The following KIF26B variants were observed in gnomAD, a reference collection of about 807,000 sequenced individuals.
KIF26B encodes kinesin family member 26B.
KIF26B carries 63 observed loss-of-function variants against 151.2 expected under a neutral mutation model. That is an observed-to-expected ratio of 0.42 (90% CI 0.34 to 0.51). The LOEUF is 0.51. Among genes scored for constraint, KIF26B ranks in the 20% least tolerant of loss-of-function variants. The probability of loss-of-function intolerance (pLI) is 0.07; values close to 1 mark genes in which losing one functional copy is unlikely to be tolerated. For synonymous variants in KIF26B, 1,357 were observed against 1,262.1 expected (o/e 1.08, Z -1.59); for missense variants, 2,813 against 2,913.6 (o/e 0.97, Z 0.79).
intron 14 of KIF26B, among the ~76,000 whole-genome samples, chr1:245,701,726 A>AGGTGGAGGTCCCAGAGCTCGTCTCTTC (rs2044774973): frequency 6.6e-6 from 1 of 152,190 alleles, no homozygotes; most frequent in African/African-American, 2.4e-5. Context: ...CTGTCAGCAG[A>AGGTGGAGGTCCCAGAGCTCGTCTCTTC]GGTGGAGGTC....
At chr1:245,338,316 A>G (rs185276092) in intron 2 of KIF26B, among the ~76,000 whole-genome samples, 20 of 152,328 alleles carry the variant, frequency 1.3e-4, no homozygotes, top group Admixed American at 1.1e-3. Context: ...TTTTGTAAAT[A>G]AAGTTTTATT....
At chr1:245,257,542 C>A (rs192474600) in intron 2 of KIF26B, among the ~76,000 whole-genome samples, 1 of 152,270 alleles carries the variant, frequency 6.6e-6, no homozygotes, top group East Asian at 1.9e-4. Context: ...TCTCCATGGT[C>A]CTTGAATTTT....
chr1:245,522,112 G>A lies in KIF26B; in HGVS notation c.1167-18655G>A, dbSNP rs532103824. On this transcript the variant is annotated intron_variant, in intron 4 of 14. Transcript: ENST00000407071. ...TCTCGATCTCCTGACCTCATGATCTGCCCGCCTTGGCCTCCCAAAGTGCTG... is the reference window on the plus strand; with the variant it reads ...TCTCGATCTCCTGACCTCATGATCTACCCGCCTTGGCCTCCCAAAGTGCTG... 4.4e-4 allele frequency among the ~76,000 whole-genome samples: 67 copies of A among 152,152 alleles called. 1 individual carries two copies. The highest frequency in any genetic ancestry group is 1.9e-3 in the East Asian group (10 of 5,158).
At chr1:245,212,366 G>A (rs761230717) in intron 2 of KIF26B, among the ~76,000 whole-genome samples, 3 of 152,242 alleles carry the variant, frequency 2.0e-5, no homozygotes, top group South Asian at 2.1e-4. Context: ...CCTGCCGCCC[G>A]TGCCACCTGT....
intron 2 of KIF26B, among the ~76,000 whole-genome samples, chr1:245,212,720 C>A (rs1263908657): frequency 6.6e-6 from 1 of 152,192 alleles, no homozygotes; most frequent in African/African-American, 2.4e-5. Context: ...CCCTGAGAGG[C>A]GGCACCGTCG....
At chr1:245,231,031 C>A (rs1257563908) in intron 2 of KIF26B, among the ~76,000 whole-genome samples, 1 of 151,724 alleles carries the variant, frequency 6.6e-6, no homozygotes, top group Non-Finnish European at 1.5e-5. Context: ...ACAAGATGTC[C>A]ATTCAGATTC....
intron 2 of KIF26B, among the ~76,000 whole-genome samples, chr1:245,165,271 T>G (rs910089781): frequency 6.6e-6 from 1 of 152,072 alleles, no homozygotes; most frequent in Non-Finnish European, 1.5e-5. Context: ...GGGGAGCTGC[T>G]GAGATACGGG....
At chr1:245,584,637 G>A (rs2043206109) in intron 5 of KIF26B, among the ~76,000 whole-genome samples, 2 of 152,126 alleles carry the variant, frequency 1.3e-5, no homozygotes, top group African/African-American at 4.8e-5. Context: ...TTGTTTATTT[G>A]AGGAAAGAGA....
chr1:245,415,013 G>A (rs576476380), intron 3 of KIF26B, among the ~76,000 whole-genome samples: 7 of 152,206 alleles, frequency 4.6e-5, no homozygotes, highest in South Asian at 4.1e-4. Context: ...ACCAATCATC[G>A]GACTCCTCTC....
At chr1:245,478,663 T>C (rs1309725934) in intron 4 of KIF26B, among the ~76,000 whole-genome samples, 1 of 151,606 alleles carries the variant, frequency 6.6e-6, no homozygotes, top group Admixed American at 6.6e-5. Context: ...GGTCCACCCG[T>C]ATCGGCCTCC....
chr1:245,470,710 G>A (rs942969905), intron 4 of KIF26B, among the ~76,000 whole-genome samples: 9 of 151,818 alleles, frequency 5.9e-5, no homozygotes, highest in Non-Finnish European at 7.4e-5. Context: ...GATTACAGGC[G>A]TGAGCCACCA....
chr1:245,650,076 G>A (rs1030457538), intron 10 of KIF26B, among the ~76,000 whole-genome samples: 6 of 152,232 alleles, frequency 3.9e-5, no homozygotes, highest in African/African-American at 9.6e-5. Context: ...AGTTCTCAAC[G>A]GTGGCACCAT....
chr1:245,159,518 C>T (rs1668500681), intron 2 of KIF26B, among the ~76,000 whole-genome samples: 1 of 152,162 alleles, frequency 6.6e-6, no homozygotes, highest in Admixed American at 6.5e-5. Flanking sequence ...AAAGTGCTTT[C>T]ATTCTTTAGA....
At chr1:245,256,731 G>A (rs1234794573) in intron 2 of KIF26B, among the ~76,000 whole-genome samples, 1 of 152,222 alleles carries the variant, frequency 6.6e-6, no homozygotes, top group Non-Finnish European at 1.5e-5. Context: ...TTCAGGCACA[G>A]CTGACCAGCA....
intron 12 of KIF26B, among the ~76,000 whole-genome samples, chr1:245,690,420 C>A (rs2044609193): frequency 1.3e-5 from 2 of 152,232 alleles, no homozygotes; most frequent in Non-Finnish European, 2.9e-5. Context: ...CCCTTTCCTA[C>A]TGCTCCAGCA....
Position 245,656,101 on chromosome 1 carries a change from C to A in KIF26B, c.2258+9821C>A, listed in dbSNP as rs557389933. On this transcript the variant is annotated intron_variant, in intron 10 of 14. Transcript: ENST00000407071. ...TATTCATTTACTCAAAAATACCCTA[C>A]AATAAATACCAGGAATATAACAGAT... Among the ~76,000 whole-genome samples the A allele has an allele frequency of 3.1e-4, 37 of 121,306 alleles. No homozygotes were observed. The South Asian group carries it at 8.3e-3, about 27-fold the overall frequency. The allele number at this position is 121,306 out of a possible 152,430, so 79.6% of individuals were successfully genotyped here.
At chr1:245,328,122 G>GATAT (rs556483421) in intron 2 of KIF26B, among the ~76,000 whole-genome samples, 2,126 of 146,818 alleles carry the variant, frequency 0.014, 21 homozygotes, top group Non-Finnish European at 0.022. Context: ...CTGCTTTGCT[G>GATAT]GTAGGCTGTG....
intron 9 of KIF26B, among the ~76,000 whole-genome samples, chr1:245,634,309 T>A (rs2043812338): frequency 6.6e-6 from 1 of 152,224 alleles, no homozygotes; most frequent in Admixed American, 6.5e-5. Flanking sequence ...CCAATCTGGA[T>A]ATCGTTCATT....
rs761535050 is a variant in KIF26B, at chr1:245,685,890, G to A, written c.2907G>A (p.Ala969=). 16 of 1,612,778 alleles carry A rather than the reference G, an allele frequency of 9.9e-6. No homozygotes were observed. The highest frequency in any genetic ancestry group is 4.5e-5 in the East Asian group (2 of 44,852). The change falls in exon 12 of 15, where the codon GCG becomes GCA. Residue 969 remains alanine (A), a synonymous_variant. Transcript: ENST00000407071. The stretch of plus-strand genomic sequence containing the variant: ...GAGGCCCCCGGTTAAGCCAAGCAGC[G>A]GGGGCAAGCCCACTCTCTGAGTCTG... The part of the protein sequence containing the change: ...ASRGPRLSQA[A]GASPLSESDK...
Sources: allele counts gnomAD v4.1 joint callset (sites outside exome capture counted in the v4.1 genomes callset), GRCh38; gene constraint gnomAD v4.1.1; transcripts MANE v1.5; gene names NCBI Gene and HGNC (gene_info 2026-07-23, HGNC 2026-07-21).